POLD3: variants seen among roughly 807,000 people sequenced by gnomAD.
The protein encoded by POLD3 is DNA polymerase delta 3, accessory subunit.
Under a neutral mutation model 58.2 loss-of-function variants are expected in POLD3, and 19 were observed. That is an observed-to-expected ratio of 0.33 (90% CI 0.23 to 0.48). The LOEUF (loss-of-function observed/expected upper bound fraction) is 0.48. Among genes scored for constraint, POLD3 ranks in the 20% least tolerant of loss-of-function variants. The probability of loss-of-function intolerance (pLI) is 0.99; values close to 1 mark genes in which losing one functional copy is unlikely to be tolerated. For missense variants in POLD3, 504 were observed against 545.5 expected, an observed-to-expected ratio of 0.92 and a Z score of 0.76; for synonymous variants, 172 against 193.5, an observed-to-expected ratio of 0.89 and a Z score of 0.92.
chr11:74,663,465 T>C (rs967740841), intron 4 of POLD3, among the ~76,000 whole-genome samples: 1 of 152,254 alleles, frequency 6.6e-6, no homozygotes, highest in African/African-American at 2.4e-5. Flanking sequence ...ATTTGATTTC[T>C]AGACTTACAG....
At chr11:74,632,786 AAG>A (rs2032629548) in intron 9 of POLD3, among the ~76,000 whole-genome samples, 1 of 151,694 alleles carries the variant, frequency 6.6e-6, no homozygotes, top group African/African-American at 2.4e-5. Context: ...GTGTGGAAGG[AAG>A]AGAGAGATAT....
At chr11:74,629,428 T>C (rs1366382917) in intron 9 of POLD3, 105 bp downstream of exon 9, 4 of 629,896 alleles carry the variant, frequency 6.4e-6, no homozygotes, top group East Asian at 3.0e-5. Context: ...GTAGTAATTC[T>C]AGCATTAAGA....
At chr11:74,623,078 A>G (rs895020505) in intron 7 of POLD3, among the ~76,000 whole-genome samples, 1 of 152,250 alleles carries the variant, frequency 6.6e-6, no homozygotes, top group African/African-American at 2.4e-5. Context: ...AAGAAGCCAG[A>G]TAGAAAAGAT....
Position 74,641,438 on chromosome 11 carries a change from G to A in POLD3, c.*672G>A, listed in dbSNP as rs760614118. The A allele has an allele frequency of 2.0e-5, 20 of 985,270 alleles. No individual in the cohort carries two copies. The highest frequency in any genetic ancestry group is 2.4e-5 in the Non-Finnish European group (20 of 829,952). 61.0% of individuals were successfully genotyped at this position (985,270 alleles called of 1,614,324 possible). A position where few individuals can be genotyped will look rare whatever the true frequency, so the allele number is the denominator to read the frequency against. On this transcript the variant is annotated 3_prime_UTR_variant, in exon 12 of 12. Coordinates refer to ENST00000263681, the MANE Select transcript of POLD3 (RefSeq NM_006591.3). Reference sequence around the variant, plus strand: ...CCTTCACTTGCAATTAGTGGTTAGGGAAAAGCCTCAGGCAGAACACAAATA... The same window carrying A: ...CCTTCACTTGCAATTAGTGGTTAGGAAAAAGCCTCAGGCAGAACACAAATA...
chr11:74,636,312 A>C, intron 11 of POLD3, 37 bp downstream of exon 11: 1 of 1,601,612 alleles, frequency 6.2e-7, no homozygotes, highest in Non-Finnish European at 8.5e-7. Flanking sequence ...CAGAGATAGA[A>C]TCTCTTATTA....
chr11:74,598,906 G>A (rs1183140877), intron 2 of POLD3, among the ~76,000 whole-genome samples: 1 of 152,154 alleles, frequency 6.6e-6, no homozygotes, highest in Non-Finnish European at 1.5e-5. Flanking sequence ...AGAGAATGTA[G>A]AAGAGCATAT....
At chr11:74,616,562 C>T (rs1296813813) in intron 5 of POLD3, among the ~76,000 whole-genome samples, 1 of 152,132 alleles carries the variant, frequency 6.6e-6, no homozygotes, top group Non-Finnish European at 1.5e-5. Flanking sequence ...TACTCTTTTC[C>T]TTGTATATGG....
chr11:74,595,135 T>C (rs573712071), intron 2 of POLD3: 1 of 152,114 alleles, frequency 6.6e-6, no homozygotes, highest in South Asian at 2.1e-4. Context: ...CTAACACTGT[T>C]TTTTCCCTCA....
At chr11:74,657,829 G>A (rs1233572892) in intron 4 of POLD3, among the ~76,000 whole-genome samples, 1 of 152,162 alleles carries the variant, frequency 6.6e-6, no homozygotes, top group Non-Finnish European at 1.5e-5. Flanking sequence ...TTGTAAGACA[G>A]GTCTGGTGTT....
chr11:74,652,817 C>A, intron 4 of POLD3: 1 of 168,716 alleles, frequency 5.9e-6, no homozygotes, highest in South Asian at 1.6e-4. Flanking sequence ...CATGCTTGCC[C>A]TTGCCCCACA....
rs2032164776 is a variant in POLD3 at position 74,618,892 on chromosome 11, TA to T, written c.660+89del. ...ATGGTTGCAGTGGTAGTAGTTTATT[TA>T]TATAAGATTCTGATATTCAGTTCTG... On this transcript the variant is annotated intron_variant, in intron 6 of 11. Coordinates refer to ENST00000263681, the MANE Select transcript of POLD3 (RefSeq NM_006591.3). The T allele has an allele frequency of 3.6e-6, 4 of 1,100,098 alleles. No homozygotes were observed. The Admixed American group carries it at 7.9e-5, about 22-fold the overall frequency. The allele number at this position is 1,100,098 out of a possible 1,614,324, so 68.1% of individuals were successfully genotyped here.
chr11:74,646,393 C>T (rs191831387), downstream of POLD3, among the ~76,000 whole-genome samples: 72 of 152,342 alleles, frequency 4.7e-4, no homozygotes, highest in African/African-American at 1.7e-3. Flanking sequence ...ATCTTCTCTG[C>T]AGCATCCCTG....
chr11:74,668,808 C>T, exon 5 of POLD3: 1 of 1,286,616 alleles, frequency 7.8e-7, no homozygotes, highest in South Asian at 1.2e-5. Context: ...ACTCACTAGA[C>T]ATTTTGGAGC....
At chr11:74,623,630 AT>A in intron 7 of POLD3, among the ~76,000 whole-genome samples, 1 of 152,276 alleles carries the variant, frequency 6.6e-6, no homozygotes, top group African/African-American at 2.4e-5. Flanking sequence ...TTATATCTCA[AT>A]TTTTAAAAGT....
intron 5 of POLD3, among the ~76,000 whole-genome samples, chr11:74,614,390 G>A (rs908927378): frequency 2.6e-5 from 4 of 152,132 alleles, no homozygotes; most frequent in Admixed American, 2.6e-4. Context: ...GGAGAAGTAT[G>A]AAGGTTAATG....
chr11:74,618,861 G>A (rs900907346), intron 6 of POLD3, 57 bp downstream of exon 6: 10 of 1,423,512 alleles, frequency 7.0e-6, no homozygotes, highest in Non-Finnish European at 9.6e-6. Flanking sequence ...AACTAGAAAA[G>A]CATTAATGGT....
At chr11:74,597,285 CATA>C (rs148340396) in intron 2 of POLD3, among the ~76,000 whole-genome samples, 79 of 152,288 alleles carry the variant, frequency 5.2e-4, no homozygotes, top group African/African-American at 1.8e-3. Flanking sequence ...GTGCTTCTGA[CATA>C]ATATCTAAGA....
intron 2 of POLD3, among the ~76,000 whole-genome samples, chr11:74,600,710 C>CTTTTTTT (rs57206403): frequency 1.6e-5 from 1 of 63,050 alleles, no homozygotes; most frequent in African/African-American, 6.8e-5. Flanking sequence ...GAATTCTTTC[C>CTTTTTTT]TTTTTTTTTT....
At position 74,634,592 on chromosome 11, in the gene POLD3, A is replaced by G. The variant is rs1473375167; in HGVS notation, c.1016A>G (p.Asp339Gly). Residue 339 changes from aspartate (D) to glycine (G), a missense_variant, in exon 10 of 12, where the codon GAC (aspartate) becomes GGC (glycine). Transcript: ENST00000263681. The part of the protein sequence containing the change: ...SDSSEDEVFP[D>G]SPGAYEAESP... Reference sequence around the variant, plus strand: ...CGTTTCATTATTTCAGTCTTTCCAGACTCTCCTGGGGCTTATGAAGCTGAG... The same window carrying G: ...CGTTTCATTATTTCAGTCTTTCCAGGCTCTCCTGGGGCTTATGAAGCTGAG... 6.3e-7 allele frequency: 1 copy of G among 1,591,050 alleles called. No homozygotes were observed. The highest frequency in any genetic ancestry group is 1.3e-5 in the African/African-American group (1 of 74,100).
Sources: gnomAD v4.1 joint callset for allele counts (sites outside exome capture counted in the v4.1 genomes callset) on GRCh38, gnomAD v4.1.1 for gene constraint, MANE v1.5 for transcripts, NCBI Gene and HGNC (gene_info 2026-07-23, HGNC 2026-07-21) for gene names.